RAI1: variants seen among roughly 807,000 people sequenced by gnomAD.
RAI1 encodes the protein retinoic acid-induced protein 1.
Under a neutral mutation model 123.8 loss-of-function variants are expected in RAI1, and 9 were observed. That is an observed-to-expected ratio of 0.07 (90% CI 0.04 to 0.13). RAI1 has a LOEUF of 0.13. Ranked by LOEUF, RAI1 falls within the 10% of genes least tolerant of loss-of-function variation. The pLI, the probability that RAI1 is intolerant of heterozygous loss-of-function variation, is 1.00. For missense variants in RAI1, 2,256 were observed against 2,545.8 expected (o/e 0.89, Z 2.45); for synonymous variants, 1,231 against 1,127.3 (o/e 1.09, Z -1.84).
At chr17:17,756,372 T>C (rs1361919296) in intron 2 of RAI1, among the ~76,000 whole-genome samples, 1 of 152,042 alleles carries the variant, frequency 6.6e-6, no homozygotes, top group Admixed American at 6.6e-5. Context: ...TAATTTTGTA[T>C]TTTTATTAGA....
intron 1 of RAI1, among the ~76,000 whole-genome samples, chr17:17,722,798 C>A (rs62064083): frequency 0.11 from 16,040 of 152,032 alleles, 1,023 homozygotes; most frequent in East Asian, 0.31. Flanking sequence ...GTCTCTGATG[C>A]GGCTAGGGGA....
chr17:17,769,930 CG>C (rs1274223005), intron 2 of RAI1, among the ~76,000 whole-genome samples: 1 of 152,070 alleles, frequency 6.6e-6, no homozygotes, highest in Non-Finnish European at 1.5e-5. Flanking sequence ...TGCGGTCACC[CG>C]GGAAGAGAGG....
rs1267444085 is a variant in RAI1 at position 17,801,628 on chromosome 17, G to A, written c.5566-2128G>A. Reference sequence around the variant, plus strand: ...TCCAGGAGGCCATCCCAGACTAGGCGGGAAGGAGGCCTCAGCCCTGAGCTG... The same window carrying A: ...TCCAGGAGGCCATCCCAGACTAGGCAGGAAGGAGGCCTCAGCCCTGAGCTG... On this transcript the variant is annotated intron_variant, in intron 3 of 5. Coordinates refer to ENST00000353383, the MANE Select transcript of RAI1 (RefSeq NM_030665.4). The surrounding 1 kb of genome is among the most constrained non-coding windows in gnomAD (Gnocchi z 4.1). 6.6e-6 allele frequency among the ~76,000 whole-genome samples: 1 copy of A among 152,204 alleles called. No individual in the cohort carries two copies.
intron 1 of RAI1, among the ~76,000 whole-genome samples, chr17:17,723,339 ACCC>A (rs35272447): frequency 2.2e-4 from 29 of 134,848 alleles, no homozygotes; most frequent in South Asian, 5.8e-4. Flanking sequence ...TTGTATCCAG[ACCC>A]CCCCCCCCAA....
At chr17:17,742,107 G>A (rs1916654823) in intron 2 of RAI1, among the ~76,000 whole-genome samples, 2 of 152,362 alleles carry the variant, frequency 1.3e-5, no homozygotes. Context: ...GGTGCCTGCC[G>A]GCTCTGGGGT....
chr17:17,717,869 C>CCA (rs1915760461), intron 1 of RAI1, among the ~76,000 whole-genome samples: 1 of 152,176 alleles, frequency 6.6e-6, no homozygotes, highest in South Asian at 2.1e-4. Context: ...AGTGAAGGGT[C>CCA]CACAGCAGGG....
At chr17:17,777,789 T>A (rs1472717059) in intron 2 of RAI1, 2 of 152,246 alleles carry the variant, frequency 1.3e-5, no homozygotes, top group East Asian at 1.9e-4. Flanking sequence ...TTGAAGTGAT[T>A]GCAAGTTCAG....
intron 2 of RAI1, among the ~76,000 whole-genome samples, chr17:17,727,174 G>A (rs1478678297): frequency 3.3e-5 from 5 of 152,294 alleles, no homozygotes; most frequent in South Asian, 4.2e-4. Context: ...GGATAAATGG[G>A]ACACTATTTT....
At chr17:17,750,771 C>T (rs999994706) in intron 2 of RAI1, among the ~76,000 whole-genome samples, 2 of 151,922 alleles carry the variant, frequency 1.3e-5, no homozygotes, top group African/African-American at 4.8e-5. Flanking sequence ...GAGACCCTCA[C>T]CCCTGACTCC....
chr17:17,708,971 C>T (rs1380634112), intron 1 of RAI1, among the ~76,000 whole-genome samples: 1 of 152,234 alleles, frequency 6.6e-6, no homozygotes, highest in Non-Finnish European at 1.5e-5. Context: ...CAGTCCACCA[C>T]GGGCCTTTCC....
chr17:17,734,683 C>T (rs1916370561), intron 2 of RAI1, among the ~76,000 whole-genome samples: 1 of 152,240 alleles, frequency 6.6e-6, no homozygotes. Context: ...AGTGGGCCCA[C>T]ACCTGCTTTC....
intron 1 of RAI1, among the ~76,000 whole-genome samples, chr17:17,702,378 G>T (rs1317199567): frequency 6.6e-6 from 1 of 152,306 alleles, no homozygotes; most frequent in South Asian, 2.1e-4. Flanking sequence ...TCTTCAGCTG[G>T]GTTCCTCACT....
chr17:17,783,478 T>C (rs374647025), intron 2 of RAI1, among the ~76,000 whole-genome samples: 1 of 151,648 alleles, frequency 6.6e-6, no homozygotes, highest in Non-Finnish European at 1.5e-5. Flanking sequence ...TCCTGCGGAT[T>C]TTCTCCGGCA....
chr17:17,789,040 G>A (rs941488937), intron 2 of RAI1, among the ~76,000 whole-genome samples: 3 of 152,216 alleles, frequency 2.0e-5, no homozygotes, highest in African/African-American at 4.8e-5. Context: ...ATAAAAAAGT[G>A]AGGACCCTGG....
chr17:17,688,273 T>G (rs1409221240), intron 1 of RAI1, among the ~76,000 whole-genome samples: 3 of 151,900 alleles, frequency 2.0e-5, no homozygotes, highest in Non-Finnish European at 2.9e-5. Context: ...TCACTTGAGG[T>G]CAGGAGTTCG....
At chr17:17,708,435 TA>T (rs1915461888) in intron 1 of RAI1, among the ~76,000 whole-genome samples, 1 of 152,036 alleles carries the variant, frequency 6.6e-6, no homozygotes, top group Non-Finnish European at 1.5e-5. Flanking sequence ...CACATATATA[TA>T]TATGTACATT....
At chr17:17,773,329 C>T (rs897367327) in intron 2 of RAI1, among the ~76,000 whole-genome samples, 13 of 152,276 alleles carry the variant, frequency 8.5e-5, no homozygotes, top group Non-Finnish European at 1.5e-4. Flanking sequence ...GCACATCAGG[C>T]GCTCCACAGA....
chr17:17,781,729 G>C (rs2031587738), intron 2 of RAI1, among the ~76,000 whole-genome samples: 1 of 152,262 alleles, frequency 6.6e-6, no homozygotes, highest in African/African-American at 2.4e-5. Flanking sequence ...GGTGGGGTCT[G>C]CCTCAAAGTT....
intron 2 of RAI1, among the ~76,000 whole-genome samples, chr17:17,780,082 T>TTTTTTTTTTTTAA (rs71152902): frequency 9.0e-6 from 1 of 110,962 alleles, no homozygotes; most frequent in Non-Finnish European, 1.8e-5. Flanking sequence ...GGCTTTTTTT[T>TTTTTTTTTTTTAA]AAGACAAGAG....
Sources: allele counts gnomAD v4.1 joint callset (sites outside exome capture counted in the v4.1 genomes callset), GRCh38; gene constraint gnomAD v4.1.1; non-coding constraint Gnocchi (gnomAD v3.1); transcripts MANE v1.5; gene names NCBI Gene and HGNC (gene_info 2026-07-23, HGNC 2026-07-21).